Variants in NPHP1 observed in about 807,000 individuals in gnomAD.
NPHP1 encodes the protein nephrocystin-1.
NPHP1 carries 70 observed loss-of-function variants against 90.4 expected under a neutral mutation model. The ratio of observed to expected loss-of-function variants is 0.77; its 90% CI spans 0.64 to 0.95. NPHP1 has a LOEUF of 0.95. Ranked by LOEUF, NPHP1 falls within the 40% of genes least tolerant of loss-of-function variation. The pLI is 0.00. For missense variants in NPHP1, 764 were observed against 795.9 expected (o/e 0.96, Z 0.48); for synonymous variants, 256 against 271.7 (o/e 0.94, Z 0.57).
At chr2:110,197,657 C>T (rs1685265752) in intron 2 of NPHP1, among the ~76,000 whole-genome samples, 1 of 152,150 alleles carries the variant, frequency 6.6e-6, no homozygotes, top group African/African-American at 2.4e-5. Context: ...ACATCACCAA[C>T]AAGCAAAGGA....
chr2:110,172,962 C>CTTTTTTTTTTTTT (rs559012343), intron 4 of NPHP1, among the ~76,000 whole-genome samples: 1 of 136,100 alleles, frequency 7.3e-6, no homozygotes, highest in Non-Finnish European at 1.6e-5. Context: ...TTTTCTTTTT[C>CTTTTTTTTTTTTT]TTTTTTTTTT....
At chr2:110,147,659 C>G (rs1681160041) in intron 13 of NPHP1, among the ~76,000 whole-genome samples, 1 of 152,144 alleles carries the variant, frequency 6.6e-6, no homozygotes, top group African/African-American at 2.4e-5. Flanking sequence ...TCTGCAAAGT[C>G]CCATCCTTTT....
In NPHP1 at chr2:110,201,498, T is replaced by C. The variant is rs886817260; in HGVS notation, c.70-4A>G. ...TCTCAGAAAGCAAACTATCAACCTA[T>C]GGAGACCATTTAAAATATCACATTA... On this transcript the variant is annotated splice_region_variant and splice_polypyrimidine_tract_variant and intron_variant, in intron 1 of 19. Coordinates refer to ENST00000445609, the MANE Select transcript of NPHP1 (RefSeq NM_001128178.3). 2 of 1,600,812 alleles carry C rather than the reference T, an allele frequency of 1.2e-6. No homozygotes were observed. Among genetic ancestry groups the C allele is most frequent in the Non-Finnish European group, 1.7e-6 (2 of 1,169,790 alleles).
intron 4 of NPHP1, among the ~76,000 whole-genome samples, chr2:110,170,249 C>T (rs999006683): frequency 3.9e-5 from 6 of 152,052 alleles, no homozygotes; most frequent in Non-Finnish European, 7.4e-5. Flanking sequence ...CAGGAGACTC[C>T]GAATTCAAGT....
chr2:110,195,928 TGCTGGGAAAAC>T (rs1340004452), intron 2 of NPHP1, among the ~76,000 whole-genome samples: 5 of 152,156 alleles, frequency 3.3e-5, no homozygotes, highest in African/African-American at 1.2e-4. Flanking sequence ...TAATAAATGG[TGCTGGGAAAAC>T]CGGCTAGCCA....
At chr2:110,160,590 TAAGTGCAG>T (rs1167345340) in intron 10 of NPHP1, among the ~76,000 whole-genome samples, 9 of 152,168 alleles carry the variant, frequency 5.9e-5, no homozygotes, top group Admixed American at 5.9e-4. Flanking sequence ...AGAATGTGGG[TAAGTGCAG>T]AAGGCTAACG....
At chr2:110,128,357 C>G (rs1399636257) in intron 18 of NPHP1, 1 of 152,384 alleles carries the variant, frequency 6.6e-6, no homozygotes, top group African/African-American at 2.4e-5. Flanking sequence ...CAGCCCCACA[C>G]CGAGACTCAG....
chr2:110,165,233 A>G, intron 6 of NPHP1, 78 bp from the exon 7 acceptor site: 1 of 1,069,500 alleles, frequency 9.4e-7, no homozygotes, highest in South Asian at 1.3e-5. Context: ...ACTGCCACCT[A>G]ACCCTCCAGT....
chr2:110,193,260 C>A (rs1684882112), intron 2 of NPHP1, among the ~76,000 whole-genome samples: 1 of 151,972 alleles, frequency 6.6e-6, no homozygotes, highest in Admixed American at 6.6e-5. Context: ...TTCAGGAAAC[C>A]CATCTCATGT....
intron 16 of NPHP1, among the ~76,000 whole-genome samples, chr2:110,137,346 C>T (rs1433076609): frequency 3.3e-5 from 5 of 152,186 alleles, no homozygotes; most frequent in Non-Finnish European, 7.3e-5. Context: ...AACTAAAGAG[C>T]TCCTGCACAG....
chr2:110,166,693 A>G (rs1682749985), intron 6 of NPHP1, among the ~76,000 whole-genome samples: 1 of 152,202 alleles, frequency 6.6e-6, no homozygotes, highest in African/African-American at 2.4e-5. Context: ...CTTGAGAGAA[A>G]TAGGCTTCTA....
chr2:110,147,600 C>T (rs1420332620), intron 13 of NPHP1, among the ~76,000 whole-genome samples: 1 of 152,120 alleles, frequency 6.6e-6, no homozygotes, highest in Non-Finnish European at 1.5e-5. Context: ...CCCTGGAAGA[C>T]AGAGGTGAAC....
chr2:110,196,237 A>G (rs1447873472), intron 2 of NPHP1, among the ~76,000 whole-genome samples: 2 of 150,672 alleles, frequency 1.3e-5, no homozygotes, highest in East Asian at 4.0e-4. Context: ...ATGGGAGAAA[A>G]TTGTTGCAAT....
chr2:110,144,362 T>C (rs1680861821), intron 15 of NPHP1, 131 bp downstream of exon 15: 1 of 662,326 alleles, frequency 1.5e-6, no homozygotes, highest in Non-Finnish European at 2.7e-6. Flanking sequence ...AAAATTTTTA[T>C]ATCAAATGAC....
At chr2:110,185,671 G>T (rs1684235720) in intron 2 of NPHP1, among the ~76,000 whole-genome samples, 1 of 152,144 alleles carries the variant, frequency 6.6e-6, no homozygotes. Flanking sequence ...ACTGAGGACT[G>T]GGGCTGGGGT....
chr2:110,162,906 A>T (rs1682448063), intron 9 of NPHP1, 142 bp downstream of exon 9: 2 of 709,200 alleles, frequency 2.8e-6, no homozygotes. Context: ...CTGTCATAGG[A>T]AGGATGAGGA....
intron 16 of NPHP1, among the ~76,000 whole-genome samples, chr2:110,140,473 G>A (rs1680541540): frequency 6.6e-6 from 1 of 152,124 alleles, no homozygotes; most frequent in Admixed American, 6.5e-5. Flanking sequence ...AGAAGGGGCT[G>A]CCTTGCTAAC....
At chr2:110,134,100 T>C (rs962919524) in intron 16 of NPHP1, among the ~76,000 whole-genome samples, 1 of 151,866 alleles carries the variant, frequency 6.6e-6, no homozygotes, top group Non-Finnish European at 1.5e-5. Flanking sequence ...ATGAACAAAA[T>C]TGACAAACCT....
At chr2:110,194,597 A>G (rs1469160862) in intron 2 of NPHP1, among the ~76,000 whole-genome samples, 1 of 152,178 alleles carries the variant, frequency 6.6e-6, no homozygotes, top group African/African-American at 2.4e-5. Context: ...AGCTGGTACC[A>G]TTCCTTCTGA....
Sources: allele counts gnomAD v4.1 joint callset (sites outside exome capture counted in the v4.1 genomes callset), GRCh38; gene constraint gnomAD v4.1.1; transcripts MANE v1.5; gene names NCBI Gene and HGNC (gene_info 2026-07-23, HGNC 2026-07-21).